SCEL: variants seen among roughly 807,000 people sequenced by gnomAD.
SCEL encodes sciellin.
Under a neutral mutation model 117.6 loss-of-function variants are expected in SCEL, and 113 were observed. That is an observed-to-expected ratio of 0.96 (90% CI 0.83 to 1.12). The LOEUF (loss-of-function observed/expected upper bound fraction) is 1.12, where lower values mean the gene tolerates loss of function less well. SCEL is among the 50% of genes most tolerant of loss of function. SCEL has a pLI of 0.00. For synonymous variants in SCEL, 270 were observed against 256.2 expected (o/e 1.05, Z -0.51); for missense variants, 785 against 810.8 (o/e 0.97, Z 0.39).
At chr13:77,580,022 A>G (rs2086179483) in intron 9 of SCEL, among the ~76,000 whole-genome samples, 1 of 152,210 alleles carries the variant, frequency 6.6e-6, no homozygotes, top group Non-Finnish European at 1.5e-5. Context: ...TCCAAATCTG[A>G]TGTTATGTGG....
chr13:77,601,409 A>ATGTCAACAG (rs2087677928), intron 15 of SCEL, among the ~76,000 whole-genome samples: 1 of 152,180 alleles, frequency 6.6e-6, no homozygotes, highest in East Asian at 1.9e-4. Context: ...ATAACTTAAA[A>ATGTCAACAG]TGTCAACAGT....
chr13:77,560,929 T>G (rs1262443241), intron 4 of SCEL, among the ~76,000 whole-genome samples: 1 of 150,054 alleles, frequency 6.7e-6, no homozygotes. Context: ...TGTTTATGAA[T>G]TTCTGTCAAC....
At chr13:77,588,746 C>G (rs1345245782) in intron 9 of SCEL, among the ~76,000 whole-genome samples, 2 of 152,086 alleles carry the variant, frequency 1.3e-5, no homozygotes, top group Non-Finnish European at 2.9e-5. Flanking sequence ...TCCATAGCAG[C>G]CTGATAGTTG....
intron 9 of SCEL, among the ~76,000 whole-genome samples, chr13:77,576,449 C>T (rs2085947404): frequency 1.3e-5 from 2 of 149,278 alleles, no homozygotes; most frequent in Admixed American, 1.3e-4. Flanking sequence ...TCCCTCTTCT[C>T]TTCTCCTCTT....
At chr13:77,561,317 G>T (rs2084964570) in intron 4 of SCEL, among the ~76,000 whole-genome samples, 1 of 152,190 alleles carries the variant, frequency 6.6e-6, no homozygotes, top group Non-Finnish European at 1.5e-5. Flanking sequence ...TGCCTTTCAT[G>T]CTTATTTCAT....
In SCEL at chr13:77,610,077, G is replaced by C. The variant is rs370225809; in HGVS notation, c.1308G>C (p.Val436=). 75 of 1,610,176 alleles carry C rather than the reference G, an allele frequency of 4.7e-5. No individual in the cohort carries two copies. The highest frequency in any genetic ancestry group is 5.9e-5 in the Non-Finnish European group (70 of 1,177,980). Residue 436 remains valine (V), a synonymous_variant, in exon 22 of 33, where the codon GTG becomes GTC. Transcript: ENST00000349847. ...GGQSLDSLIK[V]TPERNRTNQG... is the part of the protein sequence containing the mutation. ...AAAGTCTCGACAGCCTCATTAAAGTGACTCCTGAAAGAAACAGAACTAACC... is the reference window on the plus strand; with the variant it reads ...AAAGTCTCGACAGCCTCATTAAAGTCACTCCTGAAAGAAACAGAACTAACC...
At chr13:77,616,435 C>CT (rs1567423548) in intron 24 of SCEL, among the ~76,000 whole-genome samples, 2 of 151,970 alleles carry the variant, frequency 1.3e-5, no homozygotes, top group Non-Finnish European at 2.9e-5. Context: ...CATCAATTTA[C>CT]ATAAGGAGAT....
intron 28 of SCEL, among the ~76,000 whole-genome samples, chr13:77,633,123 T>C (rs1385071374): frequency 6.6e-6 from 1 of 152,190 alleles, no homozygotes; most frequent in East Asian, 1.9e-4. Context: ...GCATTCTATT[T>C]GTGTTATCTG....
intron 23 of SCEL, 101 bp downstream of exon 23, chr13:77,613,042 G>A: frequency 1.5e-6 from 1 of 668,518 alleles, no homozygotes; most frequent in South Asian, 2.0e-5. Flanking sequence ...AAGGGGACAT[G>A]AAAAAAAATG....
At position 77,556,702 on chromosome 13, in the gene SCEL, TGAA is replaced by T; in HGVS notation, c.157_159del (p.Glu53del). The T allele has an allele frequency of 6.2e-7, 1 of 1,612,552 alleles. No individual in the cohort carries two copies. Among genetic ancestry groups the T allele is most frequent in the Non-Finnish European group, 8.5e-7 (1 of 1,178,664 alleles). ...ATAACAGTTGGATAAAGAAACGCCC[TGAA>T]GAAGAAAAGTAAGCTGGTGTGGAGC... On this transcript the variant is annotated inframe_deletion, in exon 3 of 33. Coordinates refer to ENST00000349847, the MANE Select transcript of SCEL (RefSeq NM_144777.3).
chr13:77,591,472 T>G lies in SCEL; in HGVS notation c.692+12T>G. On this transcript the variant is annotated intron_variant, in intron 11 of 32. Coordinates refer to ENST00000349847, the MANE Select transcript of SCEL (RefSeq NM_144777.3). ...GAAAGAAATATAAGGTACACTGATT[T>G]CTATTTATATCTATGTAACTGTAGT... 1 of 1,368,388 alleles carries G rather than the reference T, an allele frequency of 7.3e-7. No homozygotes were observed. The highest frequency in any genetic ancestry group is 1.4e-5 in the African/African-American group (1 of 69,914). 84.8% of individuals were successfully genotyped at this position (1,368,388 alleles called of 1,614,324 possible).
intron 10 of SCEL, among the ~76,000 whole-genome samples, chr13:77,589,646 G>A (rs923837841): frequency 6.6e-6 from 1 of 152,136 alleles, no homozygotes; most frequent in Non-Finnish European, 1.5e-5. Context: ...TACAGATTCT[G>A]ATGAACGATG....
chr13:77,615,848 T>C (rs1366702812), intron 24 of SCEL, among the ~76,000 whole-genome samples: 8 of 152,108 alleles, frequency 5.3e-5, no homozygotes. Context: ...TCTAAGCTAA[T>C]GTTTCTCAAA....
intron 27 of SCEL, among the ~76,000 whole-genome samples, chr13:77,625,368 A>G (rs968552243): frequency 2.0e-5 from 3 of 152,228 alleles, no homozygotes; most frequent in Admixed American, 2.0e-4. Context: ...GGCAAATCCC[A>G]AGACTCTAGT....
At chr13:77,544,713 G>A (rs1165521111) in intron 1 of SCEL, among the ~76,000 whole-genome samples, 1 of 152,112 alleles carries the variant, frequency 6.6e-6, no homozygotes, top group Non-Finnish European at 1.5e-5. Context: ...AATACTGAAG[G>A]AAATTGAGTA....
At chr13:77,559,653 A>C (rs2084862312) in intron 3 of SCEL, 151 bp from the exon 4 acceptor site, 2 of 635,664 alleles carry the variant, frequency 3.1e-6, no homozygotes, top group Non-Finnish European at 5.6e-6. Context: ...GACTGGTTAA[A>C]ATAGATACAT....
At chr13:77,567,314 C>G (rs571983029) in intron 5 of SCEL, among the ~76,000 whole-genome samples, 1 of 151,992 alleles carries the variant, frequency 6.6e-6, no homozygotes, top group African/African-American at 2.4e-5. Context: ...ATTAACTGGG[C>G]GTAGGGGTGC....
chr13:77,623,969 C>T (rs1158023670), intron 27 of SCEL, among the ~76,000 whole-genome samples: 1 of 152,108 alleles, frequency 6.6e-6, no homozygotes, highest in African/African-American at 2.4e-5. Context: ...TTTCACAGTT[C>T]TGGAGGGCAG....
intron 12 of SCEL, among the ~76,000 whole-genome samples, chr13:77,595,958 G>A (rs982186427): frequency 6.6e-6 from 1 of 150,824 alleles, no homozygotes; most frequent in Non-Finnish European, 1.5e-5. Context: ...AAGCACATAA[G>A]TGACTTAGCA....
Sources: allele counts gnomAD v4.1 joint callset (sites outside exome capture counted in the v4.1 genomes callset), GRCh38; gene constraint gnomAD v4.1.1; transcripts MANE v1.5; gene names NCBI Gene and HGNC (gene_info 2026-07-23, HGNC 2026-07-21).